PTPN5: variants seen among roughly 807,000 people sequenced by gnomAD.
The protein encoded by PTPN5 is tyrosine-protein phosphatase non-receptor type 5.
In PTPN5, 29 loss-of-function variants were observed where a neutral mutation model predicts 73.9. The observed-to-expected ratio is 0.39, with a 90% CI of 0.29 to 0.54. PTPN5 has a LOEUF of 0.54. Among genes scored for constraint, PTPN5 ranks in the 20% least tolerant of loss-of-function variants. The probability of loss-of-function intolerance (pLI) is 0.65; values close to 1 mark genes in which losing one functional copy is unlikely to be tolerated. For missense variants in PTPN5, 652 were observed against 751.4 expected (o/e 0.87, Z 1.55); for synonymous variants, 267 against 304.7 (o/e 0.88, Z 1.29).
chr11:18,747,982 T>G (rs1240979259), intron 3 of PTPN5, among the ~76,000 whole-genome samples: 1 of 152,154 alleles, frequency 6.6e-6, no homozygotes. Flanking sequence ...AGATTAGAGG[T>G]GATTTCATTT....
chr11:18,791,833 C>A (rs993442179), upstream of PTPN5: 36 of 152,114 alleles, frequency 2.4e-4, no homozygotes, highest in African/African-American at 8.2e-4. Flanking sequence ...TGGCACCCCC[C>A]AGCCCCGGCT....
chr11:18,767,520 T>C (rs1850693620), intron 2 of PTPN5, among the ~76,000 whole-genome samples: 1 of 152,206 alleles, frequency 6.6e-6, no homozygotes, highest in Non-Finnish European at 1.5e-5. Context: ...TGTGGCAATA[T>C]TTTAACTGGT....
chr11:18,748,477 C>T (rs72880799), intron 3 of PTPN5, among the ~76,000 whole-genome samples: 8,864 of 152,200 alleles, frequency 0.058, 350 homozygotes, highest in East Asian at 0.16. Flanking sequence ...TACTGGGCAA[C>T]TGGTAGATGT....
chr11:18,749,906 AAAGC>A (rs1322092830), intron 3 of PTPN5, among the ~76,000 whole-genome samples: 3 of 152,178 alleles, frequency 2.0e-5, no homozygotes, highest in African/African-American at 7.2e-5. Flanking sequence ...TTTACATGAG[AAAGC>A]AAGCTCTGTC....
intron 2 of PTPN5, among the ~76,000 whole-genome samples, chr11:18,769,961 ATGTGGCTTCCC>A (rs927568125): frequency 1.7e-4 from 26 of 152,196 alleles, no homozygotes; most frequent in African/African-American, 5.3e-4. Flanking sequence ...CCACTTGATC[ATGTGGCTTCCC>A]TGTGGCTTCC....
intron 3 of PTPN5, among the ~76,000 whole-genome samples, chr11:18,755,796 G>T (rs920630452): frequency 1.3e-5 from 2 of 152,102 alleles, no homozygotes; most frequent in African/African-American, 4.8e-5. Context: ...ACAAGGTCAG[G>T]AGTTCGAGAC....
intron 1 of PTPN5, among the ~76,000 whole-genome samples, chr11:18,784,529 G>C (rs1198243655): frequency 6.6e-6 from 1 of 152,192 alleles, no homozygotes; most frequent in Non-Finnish European, 1.5e-5. Context: ...TGAGTACAGC[G>C]ATTCAGTCTG....
intron 3 of PTPN5, among the ~76,000 whole-genome samples, chr11:18,755,329 G>GA (rs1850080773): frequency 6.6e-6 from 1 of 152,248 alleles, no homozygotes; most frequent in South Asian, 2.1e-4. Flanking sequence ...AGGCCAGACT[G>GA]ACTTAGGCCA....
chr11:18,774,375 C>A, intron 1 of PTPN5, among the ~76,000 whole-genome samples: 1 of 152,326 alleles, frequency 6.6e-6, no homozygotes, highest in East Asian at 1.9e-4. Flanking sequence ...CTGGGGCAGC[C>A]TTTGGACAAG....
chr11:18,767,200 T>C (rs1850682313), intron 2 of PTPN5, among the ~76,000 whole-genome samples: 1 of 152,248 alleles, frequency 6.6e-6, no homozygotes. Context: ...CTTCTTGGAC[T>C]GGCCCTAGGG....
intron 3 of PTPN5, 115 bp downstream of exon 3, chr11:18,765,692 G>C: frequency 1.4e-6 from 1 of 737,278 alleles, no homozygotes; most frequent in South Asian, 1.5e-5. Flanking sequence ...GCAGCTGCAT[G>C]GATATTCTTG....
chr11:18,781,934 G>A (rs962385908), intron 1 of PTPN5, among the ~76,000 whole-genome samples: 6 of 152,176 alleles, frequency 3.9e-5, no homozygotes, highest in African/African-American at 4.8e-5. Flanking sequence ...GATACAGGGA[G>A]GACATTCCAG....
chr11:18,789,841 G>C (rs1851832586), intron 1 of PTPN5, among the ~76,000 whole-genome samples: 1 of 152,156 alleles, frequency 6.6e-6, no homozygotes, highest in Non-Finnish European at 1.5e-5. Context: ...ATTGGGTTCA[G>C]TGTATACTCT....
intron 1 of PTPN5, among the ~76,000 whole-genome samples, chr11:18,775,931 G>A (rs538819270): frequency 1.3e-5 from 2 of 152,266 alleles, no homozygotes; most frequent in South Asian, 2.1e-4. Context: ...AAGCATGTCC[G>A]GCCTGAGCCA....
chr11:18,730,594 C>T (rs56101712), intron 12 of PTPN5: 11,174 of 152,460 alleles, frequency 0.073, 741 homozygotes, highest in East Asian at 0.19. Flanking sequence ...CCTTCTGCCA[C>T]GTGAGGACAT....
Position 18,732,581 on chromosome 11 carries a change from C to T in PTPN5, c.1329+11G>A, listed in dbSNP as rs2134191269. The T allele has an allele frequency of 6.2e-7, 1 of 1,607,604 alleles. No individual in the cohort carries two copies. The highest frequency in any genetic ancestry group is 8.5e-7 in the Non-Finnish European group (1 of 1,174,664). On this transcript the variant is annotated intron_variant, in intron 12 of 14. Coordinates refer to ENST00000358540, the MANE Select transcript of PTPN5 (RefSeq NM_006906.2). ...ATCCTCAGCTTCACCCAGCCCTGCC[C>T]CAGGCCTCACCTTGAGGGAGATGAG...
Position 18,742,599 on chromosome 11 carries a change from A to T in PTPN5, c.484-96T>A. The T allele has an allele frequency of 6.6e-7, 1 of 1,524,954 alleles. No individual in the cohort carries two copies. 94.5% of individuals were successfully genotyped at this position (1,524,954 alleles called of 1,614,324 possible). Reference sequence around the variant, plus strand: ...GGGATTGACGCCCCCCCACTCCCTCAGTGTGTCTAGAGCAGCTCTGCTCTC... The same window carrying T: ...GGGATTGACGCCCCCCCACTCCCTCTGTGTGTCTAGAGCAGCTCTGCTCTC... On this transcript the variant is annotated intron_variant, in intron 6 of 14. Transcript: ENST00000358540. This position sits in a 1 kb window ranked among gnomAD's most constrained non-coding sequence, Gnocchi z 4.1.
intron 12 of PTPN5, among the ~76,000 whole-genome samples, chr11:18,731,907 A>G (rs563779146): frequency 6.6e-6 from 1 of 152,234 alleles, no homozygotes; most frequent in African/African-American, 2.4e-5. Context: ...TTACAATTAC[A>G]GCCTTCCCTA....
intron 5 of PTPN5, 26 bp from the exon 6 acceptor site, chr11:18,743,101 A>C: frequency 3.3e-6 from 5 of 1,499,728 alleles, no homozygotes; most frequent in Non-Finnish European, 3.6e-6. Context: ...TAAACAGGTC[A>C]GGGTGGTGGT....
Sources: gnomAD v4.1 joint callset for allele counts (sites outside exome capture counted in the v4.1 genomes callset) on GRCh38, gnomAD v4.1.1 for gene constraint, Gnocchi (gnomAD v3.1) non-coding constraint, MANE v1.5 for transcripts, NCBI Gene and HGNC (gene_info 2026-07-23, HGNC 2026-07-21) for gene names.